TAFA1: variants seen among roughly 807,000 people sequenced by gnomAD.
TAFA1 encodes TAFA chemokine like family member 1, also known as chemokine-like protein TAFA-1.
In TAFA1, 4 loss-of-function variants were observed where a neutral mutation model predicts 18.5. That is an observed-to-expected ratio of 0.22 (90% CI 0.11 to 0.49). The LOEUF is 0.49. Ranked by LOEUF, TAFA1 falls within the 20% of genes least tolerant of loss-of-function variation. TAFA1 has a pLI of 0.98. For synonymous variants in TAFA1, 56 were observed against 55.2 expected (o/e 1.01, Z -0.06); for missense variants, 147 against 169.0 (o/e 0.87, Z 0.72).
intron 2 of TAFA1, among the ~76,000 whole-genome samples, chr3:68,278,093 A>G (rs751833964): frequency 6.6e-6 from 1 of 152,176 alleles, no homozygotes; most frequent in Non-Finnish European, 1.5e-5. Context: ...TGTGTGAAGC[A>G]TGTTTAAACA....
chr3:68,524,466 A>G (rs573729297), intron 3 of TAFA1, among the ~76,000 whole-genome samples: 2 of 152,290 alleles, frequency 1.3e-5, no homozygotes, highest in East Asian at 1.9e-4. Flanking sequence ...TGTTCTTACA[A>G]TCAGAAAATA....
rs191127441 is a variant in TAFA1, at chr3:68,220,705, G to C, written c.119-196575G>C. The stretch of plus-strand genomic sequence containing the variant: ...TGGGTAAAGGAGTTTGGCTCTCTCA[G>C]TCTCTGTGGAGAAGATGGATTGTGG... On this transcript the variant is annotated intron_variant, in intron 2 of 4. Coordinates refer to ENST00000478136, the MANE Select transcript of TAFA1 (RefSeq NM_213609.4). Among the ~76,000 whole-genome samples, 296 of 152,230 alleles carry C rather than the reference G, an allele frequency of 1.9e-3. 1 individual carries two copies. Among genetic ancestry groups the C allele is most frequent in the African/African-American group, 7.1e-3 (293 of 41,546 alleles).
chr3:68,024,043 T>C (rs903207051), intron 2 of TAFA1, among the ~76,000 whole-genome samples: 1 of 152,188 alleles, frequency 6.6e-6, no homozygotes, highest in Non-Finnish European at 1.5e-5. Context: ...GGTCAAAGCA[T>C]TCAATACTAC....
chr3:68,355,163 G>T (rs2069338396), intron 2 of TAFA1, among the ~76,000 whole-genome samples: 1 of 151,888 alleles, frequency 6.6e-6, no homozygotes, highest in Non-Finnish European at 1.5e-5. Context: ...TGCAGATGGG[G>T]TCTATCATGC....
At chr3:68,466,084 T>G (rs1017937570) in intron 3 of TAFA1, among the ~76,000 whole-genome samples, 1 of 152,144 alleles carries the variant, frequency 6.6e-6, no homozygotes, top group Non-Finnish European at 1.5e-5. Flanking sequence ...TTGCACTTAT[T>G]CTTCTACTTC....
intron 2 of TAFA1, among the ~76,000 whole-genome samples, chr3:68,219,599 A>AT (rs1210435354): frequency 6.6e-6 from 1 of 152,028 alleles, no homozygotes; most frequent in Non-Finnish European, 1.5e-5. Flanking sequence ...CTTTTCTCAC[A>AT]TAGGGCTGTT....
intron 2 of TAFA1, among the ~76,000 whole-genome samples, chr3:68,090,897 G>T (rs989694090): frequency 2.1e-4 from 32 of 152,244 alleles, no homozygotes; most frequent in African/African-American, 7.5e-4. Flanking sequence ...TCTTCAGAAA[G>T]ATTCTCAGCT....
intron 2 of TAFA1, among the ~76,000 whole-genome samples, chr3:68,386,031 A>G (rs947754836): frequency 6.6e-6 from 1 of 152,100 alleles, no homozygotes; most frequent in Non-Finnish European, 1.5e-5. Context: ...TTTGTGTTAC[A>G]AGTAGCCACA....
intron 2 of TAFA1, among the ~76,000 whole-genome samples, chr3:68,349,800 A>G (rs1183908420): frequency 6.6e-6 from 1 of 152,112 alleles, no homozygotes; most frequent in Non-Finnish European, 1.5e-5. Flanking sequence ...GATTATGAAC[A>G]TCTGATCTAG....
At chr3:68,112,045 A>C (rs1023484524) in intron 2 of TAFA1, among the ~76,000 whole-genome samples, 1 of 152,074 alleles carries the variant, frequency 6.6e-6, no homozygotes, top group Admixed American at 6.6e-5. Flanking sequence ...TGTCCATTGC[A>C]TCTTGGTATC....
chr3:68,266,829 A>T (rs562141383), intron 2 of TAFA1, among the ~76,000 whole-genome samples: 6 of 152,134 alleles, frequency 3.9e-5, no homozygotes, highest in Non-Finnish European at 8.8e-5. Flanking sequence ...CCCAACTCTC[A>T]GCGATAAGTA....
chr3:68,095,388 T>G (rs894264328), intron 2 of TAFA1, among the ~76,000 whole-genome samples: 3 of 152,192 alleles, frequency 2.0e-5, no homozygotes, highest in African/African-American at 7.2e-5. Flanking sequence ...CTTCGTGCTA[T>G]TCAAGCCTGT....
At chr3:68,040,257 C>T (rs2106675600) in intron 2 of TAFA1, among the ~76,000 whole-genome samples, 1 of 152,290 alleles carries the variant, frequency 6.6e-6, no homozygotes, top group South Asian at 2.1e-4. Context: ...TACTCACCTG[C>T]TCCATCGTTC....
At chr3:68,376,354 G>T (rs2069817378) in intron 2 of TAFA1, among the ~76,000 whole-genome samples, 1 of 151,526 alleles carries the variant, frequency 6.6e-6, no homozygotes, top group Non-Finnish European at 1.5e-5. Flanking sequence ...TCATCATCCA[G>T]GTATTAAGCC....
chr3:68,368,368 A>G (rs993807978), intron 2 of TAFA1, among the ~76,000 whole-genome samples: 6 of 152,246 alleles, frequency 3.9e-5, no homozygotes, highest in African/African-American at 1.4e-4. Context: ...GGTGTTTCTC[A>G]GTCCCTGGTG....
At chr3:68,369,113 T>C (rs2069629706) in intron 2 of TAFA1, among the ~76,000 whole-genome samples, 1 of 152,230 alleles carries the variant, frequency 6.6e-6, no homozygotes, top group African/African-American at 2.4e-5. Flanking sequence ...CATTTTATAA[T>C]ATCAACCTTT....
chr3:68,162,498 T>C, intron 2 of TAFA1, among the ~76,000 whole-genome samples: 1 of 152,172 alleles, frequency 6.6e-6, no homozygotes, highest in East Asian at 1.9e-4. Flanking sequence ...CATGGACCAG[T>C]GCCTGTCTAT....
rs746616158 is a variant in TAFA1, at chr3:68,320,448, G to A, written c.119-96832G>A. Among the ~76,000 whole-genome samples the A allele has an allele frequency of 3.9e-5, 6 of 152,138 alleles. No individual in the cohort carries two copies. In the South Asian group the frequency reaches 6.2e-4, roughly 16 times the overall value. ...CCAATGGGCTTCACTGATGGGAGACGGGAAGGTACTGGGAAAGGAGACTCA... is the reference window on the plus strand; with the variant it reads ...CCAATGGGCTTCACTGATGGGAGACAGGAAGGTACTGGGAAAGGAGACTCA... On this transcript the variant is annotated intron_variant, in intron 2 of 4. Coordinates refer to ENST00000478136, the MANE Select transcript of TAFA1 (RefSeq NM_213609.4).
intron 2 of TAFA1, among the ~76,000 whole-genome samples, chr3:68,387,512 T>C (rs1316042744): frequency 6.6e-6 from 1 of 152,200 alleles, no homozygotes; most frequent in Non-Finnish European, 1.5e-5. Context: ...CAGAGGATTG[T>C]GGTATGAGTT....
Sources: gnomAD v4.1 joint callset for allele counts (sites outside exome capture counted in the v4.1 genomes callset) on GRCh38, gnomAD v4.1.1 for gene constraint, MANE v1.5 for transcripts, NCBI Gene and HGNC (gene_info 2026-07-23, HGNC 2026-07-21) for gene names.